ACADVL: variants seen among roughly 807,000 people sequenced by gnomAD.
ACADVL encodes the protein very long-chain acyl-CoA dehydrogenase, mitochondrial.
A neutral mutation model predicts 80.4 loss-of-function variants in ACADVL; 73 were observed. That is an observed-to-expected ratio of 0.91 (90% CI 0.75 to 1.10). ACADVL has a LOEUF of 1.10. Ranked by LOEUF, ACADVL falls within the 50% of genes least tolerant of loss-of-function variation. The pLI is 0.00. For missense variants in ACADVL, 878 were observed against 858.9 expected (o/e 1.02, Z -0.28); for synonymous variants, 392 against 326.5 (o/e 1.20, Z -2.16).
intron 3 of ACADVL, 22 bp from the exon 4 acceptor site, chr17:7,220,582 A>G (rs770999464): frequency 1.9e-6 from 3 of 1,614,188 alleles, no homozygotes; most frequent in Non-Finnish European, 2.5e-6. Flanking sequence ...CAGAGCCCTG[A>G]AATTTGCCTC....
At chr17:7,217,949 C>A, upstream of ACADVL, 1 of 877,428 alleles carries the variant, frequency 1.1e-6, no homozygotes, top group South Asian at 1.6e-5. Flanking sequence ...CTGAAGGAGG[C>A]AATCCCTGGG....
chr17:7,218,161 G>A (rs1567556126), upstream of ACADVL: 2 of 1,304,606 alleles, frequency 1.5e-6, no homozygotes, highest in South Asian at 1.3e-5. Context: ...AAGATTCCAG[G>A]TAATATTAGT....
chr17:7,217,717 A>T, upstream of ACADVL: 1 of 1,534,684 alleles, frequency 6.5e-7, no homozygotes, highest in Non-Finnish European at 8.7e-7. Flanking sequence ...TGCTGGCAGG[A>T]ACCCGGATAA....
chr17:7,220,558 T>C, intron 3 of ACADVL, 29 bp downstream of exon 3: 1 of 1,614,174 alleles, frequency 6.2e-7, no homozygotes, highest in Non-Finnish European at 8.5e-7. Flanking sequence ...AGGTGGACCT[T>C]AGCCAGACCC....
Position 7,224,878 on chromosome 17 carries a change from T to G in ACADVL, c.1821T>G (p.Cys607Trp). The G allele has an allele frequency of 6.2e-7, 1 of 1,614,024 alleles. No homozygotes were observed. The highest frequency in any genetic ancestry group is 8.5e-7 in the Non-Finnish European group (1 of 1,180,008). The change falls in exon 19 of 20, where the codon TGT (cysteine) becomes TGG (tryptophan). Residue 607 changes from cysteine to tryptophan, a missense_variant. Physicochemically the swap from Cys to Trp is radical, Grantham distance 215. Coordinates refer to ENST00000356839, the MANE Select transcript of ACADVL (RefSeq NM_000018.4). ...AGAAAATGCTCTGTGACACCTGGTGTATCGAGGTGAGACTCGGGGCTGCCA... is the reference window on the plus strand; with the variant it reads ...AGAAAATGCTCTGTGACACCTGGTGGATCGAGGTGAGACTCGGGGCTGCCA... The part of the protein sequence containing the change: ...QHEKMLCDTW[C>W]IEAAARIREG...
In ACADVL at chr17:7,221,936, G is replaced by C; in HGVS notation, c.623-16G>C. 1.2e-6 allele frequency: 2 copies of C among 1,614,030 alleles called. No homozygotes were observed. Among genetic ancestry groups the C allele is most frequent in the Non-Finnish European group, 1.7e-6 (2 of 1,180,002 alleles). ...GCTCATCAGAACTTGGGGTAAAGTA[G>C]CTCTCTCCCCAACAGGGGAGACTGT... On this transcript the variant is annotated splice_polypyrimidine_tract_variant and intron_variant, in intron 7 of 19. Transcript: ENST00000356839.
At chr17:7,217,593 G>T, upstream of ACADVL, 5 of 1,388,100 alleles carry the variant, frequency 3.6e-6, no homozygotes, top group Non-Finnish European at 4.7e-6. Flanking sequence ...GGCCGAGGGA[G>T]CCGTGGAGCC....
At chr17:7,220,405 T>C (rs2071140197) in intron 2 of ACADVL, 59 bp from the exon 3 acceptor site, 2 of 1,610,042 alleles carry the variant, frequency 1.2e-6, no homozygotes, top group African/African-American at 2.7e-5. Context: ...TCTCGCCTGT[T>C]CTCCCCTTGA....
Position 7,223,190 on chromosome 17 carries a change from A to ATCCAGG in ACADVL, c.1136_1141dup (p.Gln380_Glu381insValGln). 6.2e-7 allele frequency: 1 copy of ATCCAGG among 1,614,132 alleles called. No individual in the cohort carries two copies. Among genetic ancestry groups the ATCCAGG allele is most frequent in the Non-Finnish European group, 8.5e-7 (1 of 1,180,012 alleles). On this transcript the variant is annotated inframe_insertion, in exon 11 of 20. Transcript: ENST00000356839. Reference sequence around the variant, plus strand: ...GGAGAAAATTCACAACTTTGGGCTGATCCAGGAGAAGCTGGCACGGATGGT... The same window carrying ATCCAGG: ...GGAGAAAATTCACAACTTTGGGCTGATCCAGGTCCAGGAGAAGCTGGCACGGATGGT...
upstream of ACADVL, chr17:7,218,165 T>A (rs2071019834): frequency 7.5e-7 from 1 of 1,324,538 alleles, no homozygotes; most frequent in African/African-American, 1.5e-5. Context: ...TTCCAGGTAA[T>A]ATTAGTGATA....
chr17:7,219,229 G>A (rs574665928), upstream of ACADVL: 2 of 336,152 alleles, frequency 5.9e-6, no homozygotes, highest in Non-Finnish European at 9.8e-6. Context: ...GAGAAGTTGG[G>A]GTTTTACGGG....
upstream of ACADVL, chr17:7,219,905 T>C (rs2071098509): frequency 1.1e-6 from 1 of 915,126 alleles, no homozygotes; most frequent in Non-Finnish European, 1.5e-6. Context: ...GAGTCAGGGT[T>C]AGGGGCGCCA....
upstream of ACADVL, chr17:7,217,203 G>A: frequency 7.9e-7 from 1 of 1,263,650 alleles, no homozygotes; most frequent in Non-Finnish European, 1.0e-6. Flanking sequence ...TCGGAGTTTC[G>A]TTCCTCCCCT....
rs374898424 is a variant in ACADVL, at chr17:7,224,964, C to T, written c.1835C>T (p.Ala612Val). The T allele has an allele frequency of 1.2e-6, 2 of 1,613,970 alleles. No individual in the cohort carries two copies. Among genetic ancestry groups the T allele is most frequent in the African/African-American group, 2.7e-5 (2 of 74,928 alleles). ...LCDTWCIEAA[A>V]RIREGMAALQ... ...CTCCTTCCCTCTCCCCAGGCTGCAG[C>T]TCGGATCCGAGAGGGCATGGCCGCC... The change falls in exon 20 of 20, where the codon GCT becomes GTT. Residue 612 changes from alanine to valine, a missense_variant. Transcript: ENST00000356839.
Position 7,224,207 on chromosome 17 carries a change from G to A in ACADVL, c.1496G>A (p.Gly499Asp), listed in dbSNP as rs764943140. ...SALKNPFGNAGLLLGEAGKQL... is the reference protein window; with the variant it reads ...SALKNPFGNADLLLGEAGKQL... ...CTAAAGAATCCCTTTGGGAATGCTG[G>A]CCTCCTGCTAGGAGAGGCAGGCAAA... The change falls in exon 15 of 20, where the codon GGC becomes GAC. Residue 499 changes from glycine to aspartate, a missense_variant. By Grantham distance (94) the Gly-to-Asp change is moderately conservative (BLOSUM62 -1). Coordinates refer to ENST00000356839, the MANE Select transcript of ACADVL (RefSeq NM_000018.4). 6.2e-7 allele frequency: 1 copy of A among 1,613,912 alleles called. No individual in the cohort carries two copies. Among genetic ancestry groups the A allele is most frequent in the African/African-American group, 1.3e-5 (1 of 74,916 alleles).
Position 7,223,208 on chromosome 17 carries a change from C to A in ACADVL, c.1153C>A (p.Arg385=), listed in dbSNP as rs745832866. 1 of 1,614,012 alleles carries A rather than the reference C, an allele frequency of 6.2e-7. No homozygotes were observed. ...TGGGCTGATCCAGGAGAAGCTGGCACGGATGGTTATGCTGCAGTATGTAAC... is the reference window on the plus strand; with the variant it reads ...TGGGCTGATCCAGGAGAAGCTGGCAAGGATGGTTATGCTGCAGTATGTAAC... ...NFGLIQEKLA[R]MVMLQYVTES... Residue 385 remains arginine (R), a synonymous_variant, in exon 11 of 20, where the codon CGG becomes AGG. Coordinates refer to ENST00000356839, the MANE Select transcript of ACADVL (RefSeq NM_000018.4).
chr17:7,218,052 G>A (rs923664687), upstream of ACADVL, among the ~76,000 whole-genome samples: 3 of 151,852 alleles, frequency 2.0e-5, no homozygotes, highest in African/African-American at 7.3e-5. Context: ...CAAAGAAAAC[G>A]AGGAAGAAAG....
Position 7,222,769 on chromosome 17 carries a change from G to C in ACADVL, c.981G>C (p.Gly327=), listed in dbSNP as rs527421619. The C allele has an allele frequency of 2.7e-5, 44 of 1,614,122 alleles. No homozygotes were observed. Among genetic ancestry groups the C allele is most frequent in the Non-Finnish European group, 3.7e-5 (44 of 1,180,024 alleles). ...CGGAGAACGTGCTGGGTGAGGTTGGGAGTGGCTTCAAGGTTGCCATGCACA... is the reference window on the plus strand; with the variant it reads ...CGGAGAACGTGCTGGGTGAGGTTGGCAGTGGCTTCAAGGTTGCCATGCACA... The part of the protein sequence containing the change: ...VPSENVLGEV[G]SGFKVAMHIL... Residue 327 remains glycine (G), a synonymous_variant, in exon 10 of 20, where the codon GGG becomes GGC. Coordinates refer to ENST00000356839, the MANE Select transcript of ACADVL (RefSeq NM_000018.4).
intron 6 of ACADVL, 76 bp downstream of exon 6, chr17:7,221,134 A>C (rs1260844289): frequency 6.2e-7 from 1 of 1,606,210 alleles, no homozygotes. Flanking sequence ...CCATAGACCT[A>C]GAGACTAGGG....
Sources: gnomAD v4.1 joint callset for allele counts (sites outside exome capture counted in the v4.1 genomes callset) on GRCh38, gnomAD v4.1.1 for gene constraint, MANE v1.5 for transcripts, NCBI Gene and HGNC (gene_info 2026-07-23, HGNC 2026-07-21) for gene names.